SLC28A3: variants seen among roughly 807,000 people sequenced by gnomAD.
The protein encoded by SLC28A3 is solute carrier family 28 member 3, also known as concentrative Na(+)-nucleoside cotransporter 3.
Under a neutral mutation model 84.2 loss-of-function variants are expected in SLC28A3, and 68 were observed. That is an observed-to-expected ratio of 0.81 (90% confidence interval 0.66 to 0.99). The LOEUF is 0.99. Ranked by LOEUF, SLC28A3 falls within the 50% of genes least tolerant of loss-of-function variation. The pLI, the probability that SLC28A3 is intolerant of heterozygous loss-of-function variation, is 0.00. For synonymous variants in SLC28A3, 267 were observed against 303.6 expected (o/e 0.88, Z 1.25); for missense variants, 712 against 841.5 (o/e 0.85, Z 1.90).
rs753875889 is a variant in SLC28A3 at position 84,302,432 on chromosome 9, T to C, written c.335-43A>G. On this transcript the variant is annotated intron_variant, in intron 4 of 17. Transcript: ENST00000376238. Reference sequence around the variant, plus strand: ...ACAGACACTGAACATCACTAACCACTGGGACACGCCTCCAGGCTCCAGCCT... The same window carrying C: ...ACAGACACTGAACATCACTAACCACCGGGACACGCCTCCAGGCTCCAGCCT... The C allele has an allele frequency of 5.7e-6, 9 of 1,587,116 alleles. No homozygotes were observed. The East Asian group carries it at 1.4e-4, about 24-fold the overall frequency.
chr9:84,295,389 A>G (rs1016250247), intron 8 of SLC28A3, among the ~76,000 whole-genome samples: 5 of 152,132 alleles, frequency 3.3e-5, no homozygotes, highest in Non-Finnish European at 5.9e-5. Flanking sequence ...GTTTGAGACC[A>G]GCCTGGCCAA....
the SLC28A3 span, among the ~76,000 whole-genome samples, chr9:84,364,193 C>T: frequency 0.043 from 6,221 of 145,914 alleles, 172 homozygotes; most frequent in African/African-American, 0.085. Context: ...GGCACGATCT[C>T]GGCTCACTTC....
chr9:84,364,265 A>G, the SLC28A3 span, among the ~76,000 whole-genome samples: 2 of 151,816 alleles, frequency 1.3e-5, no homozygotes, highest in Non-Finnish European at 2.9e-5. Flanking sequence ...GCTTATAGGC[A>G]TGCACCCTTG....
chr9:84,285,702 C>T (rs543106041), intron 13 of SLC28A3, among the ~76,000 whole-genome samples, 160 bp from the exon 14 acceptor site: 2 of 152,168 alleles, frequency 1.3e-5, no homozygotes, highest in African/African-American at 4.8e-5. Context: ...GGCTAGAAAT[C>T]GGTCATTTGA....
rs537531776 is a variant in SLC28A3, at chr9:84,307,135, A to C, written c.243-1790T>G. Among the ~76,000 whole-genome samples, 111 of 148,886 alleles carry C rather than the reference A, an allele frequency of 7.5e-4. 4 individuals are homozygous for C. The South Asian group carries it at 0.023, about 31-fold the overall frequency. ...TGTCACTGCACCCCGTCTCAACCAA[A>C]AAAAAAAAAAAAAGGCCAGGCGCGG... On this transcript the variant is annotated intron_variant, in intron 3 of 17. Transcript: ENST00000376238.
chr9:84,331,624 C>G (rs117790760), intron 1 of SLC28A3, among the ~76,000 whole-genome samples: 1 of 152,150 alleles, frequency 6.6e-6, no homozygotes, highest in African/African-American at 2.4e-5. Context: ...CCAAGACTTT[C>G]GTAAGTGAGT....
intron 1 of SLC28A3, among the ~76,000 whole-genome samples, chr9:84,335,781 T>C (rs1223950168): frequency 6.6e-6 from 1 of 152,072 alleles, no homozygotes; most frequent in African/African-American, 2.4e-5. Context: ...TATTAGCTTA[T>C]TTAATTATTT....
intron 14 of SLC28A3, among the ~76,000 whole-genome samples, chr9:84,283,234 T>C (rs142677906): frequency 8.1e-4 from 124 of 152,348 alleles, no homozygotes; most frequent in Middle Eastern, 3.4e-3. Context: ...ATGTGCAAGA[T>C]GATGTGATGA....
intron 5 of SLC28A3, among the ~76,000 whole-genome samples, chr9:84,300,752 T>A (rs967820131): frequency 1.2e-4 from 18 of 152,034 alleles, no homozygotes; most frequent in African/African-American, 4.3e-4. Context: ...CAGGGTCCTA[T>A]GGGAAAGGGT....
intron 3 of SLC28A3, among the ~76,000 whole-genome samples, chr9:84,308,685 A>T (rs143602924): frequency 6.6e-6 from 1 of 152,194 alleles, no homozygotes. Flanking sequence ...ATCAAATTTA[A>T]GTAGGAATAT....
the SLC28A3 span, among the ~76,000 whole-genome samples, chr9:84,347,335 T>C: frequency 1.3e-5 from 2 of 152,004 alleles, no homozygotes; most frequent in Admixed American, 6.6e-5. Context: ...CATGAGGTAT[T>C]AATATCCCCA....
intron 3 of SLC28A3, among the ~76,000 whole-genome samples, chr9:84,305,697 C>A (rs959616243): frequency 4.6e-5 from 7 of 152,164 alleles, no homozygotes; most frequent in Non-Finnish European, 8.8e-5. Context: ...CCTCTGTTAG[C>A]TTTTAACCAA....
chr9:84,351,824 T>TGGA, the SLC28A3 span, among the ~76,000 whole-genome samples: 1 of 151,760 alleles, frequency 6.6e-6, no homozygotes, highest in Non-Finnish European at 1.5e-5. Context: ...AAATACACGT[T>TGGA]GGAGTATTTA....
chr9:84,359,147 G>A, the SLC28A3 span, among the ~76,000 whole-genome samples: 7 of 152,188 alleles, frequency 4.6e-5, no homozygotes, highest in African/African-American at 1.7e-4. Flanking sequence ...TTTGATCTCC[G>A]GTTGCCACCT....
At chr9:84,335,849 T>C (rs1470406934) in intron 1 of SLC28A3, among the ~76,000 whole-genome samples, 14 of 152,132 alleles carry the variant, frequency 9.2e-5, no homozygotes, top group Non-Finnish European at 1.6e-4. Flanking sequence ...AAAACAGAAA[T>C]CTTCAGAGCC....
intron 1 of SLC28A3, among the ~76,000 whole-genome samples, chr9:84,339,390 C>A (rs556405920): frequency 6.6e-6 from 1 of 152,196 alleles, no homozygotes; most frequent in African/African-American, 2.4e-5. Flanking sequence ...GCTGGGACTA[C>A]AGGCATGTAC....
chr9:84,353,665 G>A, the SLC28A3 span, among the ~76,000 whole-genome samples: 2 of 152,162 alleles, frequency 1.3e-5, no homozygotes. Flanking sequence ...AGCCGAGACT[G>A]AGCCACTCTA....
chr9:84,348,353 CAAA>C, the SLC28A3 span, among the ~76,000 whole-genome samples: 477 of 105,440 alleles, frequency 4.5e-3, 1 homozygote, highest in African/African-American at 0.016. Flanking sequence ...GACTCCGTCT[CAAA>C]AAAAAAAAAA....
At chr9:84,334,120 C>A (rs901356658) in intron 1 of SLC28A3, among the ~76,000 whole-genome samples, 2 of 152,122 alleles carry the variant, frequency 1.3e-5, no homozygotes, top group Non-Finnish European at 2.9e-5. Context: ...GCCTGGCCAA[C>A]AGGGTGAAAC....
Sources: allele counts gnomAD v4.1 joint callset (sites outside exome capture counted in the v4.1 genomes callset), GRCh38; gene constraint gnomAD v4.1.1; transcripts MANE v1.5; gene names NCBI Gene and HGNC (gene_info 2026-07-23, HGNC 2026-07-21).